NAV1: variants seen among roughly 807,000 people sequenced by gnomAD.
NAV1 encodes the protein neuron navigator 1.
A neutral mutation model predicts 175.2 loss-of-function variants in NAV1; 18 were observed. The observed-to-expected ratio is 0.10, with a 90% confidence interval of 0.07 to 0.15. The LOEUF (loss-of-function observed/expected upper bound fraction) is 0.15, where lower values mean the gene tolerates loss of function less well. NAV1 is among the 10% of genes least tolerant of loss of function. The probability of loss-of-function intolerance (pLI) is 1.00; values close to 1 mark genes in which losing one functional copy is unlikely to be tolerated. For missense variants in NAV1, 1,731 were observed against 2,436.6 expected (o/e 0.71, Z 6.10); for synonymous variants, 897 against 978.7 (o/e 0.92, Z 1.56).
At chr1:201,723,467 T>C (rs1672475129) in intron 3 of NAV1, 1 of 152,248 alleles carries the variant, frequency 6.6e-6, no homozygotes, top group African/African-American at 2.4e-5. Flanking sequence ...TTTTTTCTTT[T>C]GTTGGCTATG....
chr1:201,632,327 C>T (rs979148198), intron 2 of NAV1, among the ~76,000 whole-genome samples: 2 of 152,268 alleles, frequency 1.3e-5, no homozygotes, highest in Non-Finnish European at 2.9e-5. Flanking sequence ...AGCAGCTGCT[C>T]CTTCTGCCTC....
chr1:201,810,765 G>A lies in NAV1; in HGVS notation c.4797+7G>A, dbSNP rs770622302. 2 of 1,608,598 alleles carry A rather than the reference G, an allele frequency of 1.2e-6. No individual in the cohort carries two copies. The highest frequency in any genetic ancestry group is 2.7e-5 in the African/African-American group (2 of 74,908). On this transcript the variant is annotated splice_region_variant and intron_variant, in intron 24 of 29. Coordinates refer to ENST00000367296, the Ensembl canonical transcript of NAV1. The surrounding 1 kb of genome is among the most constrained non-coding windows in gnomAD (Gnocchi z 6.0). ...GCACCAGCAGTCTTGCAAGGTGGCT[G>A]CCCCCCGACACCCCTGCCAGCCTTT... is the stretch of plus-strand genomic sequence containing the variant.
rs540906036 is a variant in NAV1 at position 201,557,902 on chromosome 1, G to A, written c.-144+18560G>A. Among the ~76,000 whole-genome samples, 4 of 152,266 alleles carry A rather than the reference G, an allele frequency of 2.6e-5. No individual in the cohort carries two copies. In the South Asian group the frequency reaches 6.2e-4, roughly 24 times the overall value. ...AAGGAAGCCATCTATGTGCTGGGCG[G>A]TGACTGAGCTGTGCATGGAACCCTG... On this transcript the variant is annotated intron_variant, in intron 1 of 33. Coordinates refer to the NAV1 transcript ENST00000685211.
intron 2 of NAV1, among the ~76,000 whole-genome samples, chr1:201,631,947 G>T (rs1668489657): frequency 6.6e-6 from 1 of 152,146 alleles, no homozygotes; most frequent in African/African-American, 2.4e-5. Flanking sequence ...GGTATGATTT[G>T]AATGAATGAG....
intron 1 of NAV1, among the ~76,000 whole-genome samples, chr1:201,705,445 C>T (rs184404336): frequency 5.3e-5 from 8 of 152,270 alleles, no homozygotes; most frequent in African/African-American, 1.9e-4. Flanking sequence ...ACAGGAGTGC[C>T]ATTGAGCGCT....
At chr1:201,684,999 G>A (rs1198915295) in intron 1 of NAV1, among the ~76,000 whole-genome samples, 5 of 149,802 alleles carry the variant, frequency 3.3e-5, no homozygotes, top group Admixed American at 1.3e-4. Context: ...AGTTCTGGCC[G>A]GGCGCGGTGG....
intron 1 of NAV1, among the ~76,000 whole-genome samples, chr1:201,651,812 G>A (rs1202333193): frequency 1.3e-5 from 2 of 152,052 alleles, no homozygotes; most frequent in Non-Finnish European, 2.9e-5. Flanking sequence ...GGAGAGAAGG[G>A]TGGAAACTCC....
chr1:201,817,259 C>G (rs767021342), exon 29 of NAV1: 11 of 1,613,984 alleles, frequency 6.8e-6, no homozygotes, highest in Non-Finnish European at 9.3e-6. Flanking sequence ...AGACAGCACC[C>G]CAAGTTCTCT....
In NAV1 at chr1:201,810,567, A is replaced by G. The variant is rs765782605; in HGVS notation, c.4606A>G (p.Ile1536Val). 3.1e-6 allele frequency: 5 copies of G among 1,613,490 alleles called. No homozygotes were observed. The highest frequency in any genetic ancestry group is 4.2e-6 in the Non-Finnish European group (5 of 1,179,774). Residue 1536 changes from isoleucine to valine, a missense_variant, in exon 24 of 30, where the codon ATC (isoleucine) becomes GTC (valine). This residue lies in a region of NAV1 where 115 missense variants were observed against 269.4 expected (regional missense o/e 0.43). Transcript: ENST00000367296. This position sits in a 1 kb window ranked among gnomAD's most constrained non-coding sequence, Gnocchi z 6.0. The stretch of plus-strand genomic sequence containing the variant: ...CGACAGCCTGGTGTTCGAGACGCTG[A>G]TCCCCAAGCCGATGATGCAGCACTA...
intron 3 of NAV1, among the ~76,000 whole-genome samples, chr1:201,757,278 G>T (rs371005601): frequency 1.5e-4 from 22 of 151,074 alleles, no homozygotes; most frequent in East Asian, 9.7e-4. Flanking sequence ...TTTTTCTTTC[G>T]ACTGTCTTGC....
intron 3 of NAV1, among the ~76,000 whole-genome samples, chr1:201,760,159 A>G (rs1300188150): frequency 1.3e-5 from 2 of 152,346 alleles, no homozygotes; most frequent in Non-Finnish European, 2.9e-5. Flanking sequence ...TGCTGAAGCT[A>G]TATCAAAAGT....
At chr1:201,644,622 A>C (rs150099281), upstream of NAV1, among the ~76,000 whole-genome samples, 91 of 152,264 alleles carry the variant, frequency 6.0e-4, 1 homozygote, top group African/African-American at 2.0e-3. Context: ...AACCCATGAG[A>C]TGTGCATAGA....
At chr1:201,679,325 G>A (rs1336376748) in intron 1 of NAV1, among the ~76,000 whole-genome samples, 1 of 152,134 alleles carries the variant, frequency 6.6e-6, no homozygotes, top group Non-Finnish European at 1.5e-5. Flanking sequence ...ACGTGAAAAT[G>A]AGCAGCCCAG....
intron 2 of NAV1, among the ~76,000 whole-genome samples, chr1:201,635,201 GCTAT>G (rs1281684086): frequency 2.7e-5 from 4 of 147,134 alleles, no homozygotes; most frequent in Non-Finnish European, 5.9e-5. Flanking sequence ...ACCACACCTG[GCTAT>G]CTTTTTTTTT....
At chr1:201,762,637 A>G (rs1382821843) in intron 3 of NAV1, among the ~76,000 whole-genome samples, 2 of 152,242 alleles carry the variant, frequency 1.3e-5, no homozygotes, top group Non-Finnish European at 2.9e-5. Context: ...TAGTTGTGAC[A>G]GAGACTTTAT....
At chr1:201,607,038 C>T (rs1351528406) in intron 2 of NAV1, among the ~76,000 whole-genome samples, 1 of 151,842 alleles carries the variant, frequency 6.6e-6, no homozygotes, top group Non-Finnish European at 1.5e-5. Context: ...ATGTTTGTCG[C>T]ACTGTTATAC....
In NAV1 at chr1:201,782,505, C is replaced by T. The variant is rs759330891; in HGVS notation, c.1993C>T (p.Arg665Cys). The T allele has an allele frequency of 8.7e-6, 14 of 1,612,746 alleles. No homozygotes were observed. In the South Asian group the frequency reaches 1.1e-4, roughly 13 times the overall value. The change falls in exon 6 of 30, where the codon CGT becomes TGT. Residue 665 changes from arginine to cysteine, a missense_variant. Coordinates refer to ENST00000367296, the Ensembl canonical transcript of NAV1. The surrounding 1 kb of genome is among the most constrained non-coding windows in gnomAD (Gnocchi z 5.4). The stretch of plus-strand genomic sequence containing the variant: ...GCCAGGATTCCTGGCTCCTGGAGCC[C>T]GTTCTAACATCCAGTACCGCAGCCT...
intron 1 of NAV1, among the ~76,000 whole-genome samples, chr1:201,671,349 T>C (rs12743006): frequency 0.066 from 10,015 of 152,228 alleles, 452 homozygotes; most frequent in South Asian, 0.17. Flanking sequence ...AGGTGCTCCC[T>C]CTTCAAAGCC....
intron 3 of NAV1, among the ~76,000 whole-genome samples, chr1:201,746,385 A>T (rs185046278): frequency 1.7e-3 from 263 of 152,316 alleles, no homozygotes; most frequent in African/African-American, 6.1e-3. Context: ...ATTAGGTTAA[A>T]TCATGTCACC....
Sources: allele counts gnomAD v4.1 joint callset (sites outside exome capture counted in the v4.1 genomes callset), GRCh38; gene constraint gnomAD v4.1.1; regional missense constraint gnomAD v4.1.1; non-coding constraint Gnocchi (gnomAD v3.1); transcripts MANE v1.5; gene names NCBI Gene and HGNC (gene_info 2026-07-23, HGNC 2026-07-21).